The following ACBD5 variants were observed in gnomAD, a reference collection of about 807,000 sequenced individuals.
ACBD5 encodes the protein acyl-CoA-binding domain-containing protein 5.
Under a neutral mutation model 71.8 loss-of-function variants are expected in ACBD5, and 40 were observed. That is an observed-to-expected ratio of 0.56 (90% CI 0.43 to 0.72). The LOEUF (loss-of-function observed/expected upper bound fraction) is 0.72. Among genes scored for constraint, ACBD5 ranks in the 30% least tolerant of loss-of-function variants. The pLI is 0.00. For missense variants in ACBD5, 559 were observed against 644.5 expected (o/e 0.87, Z 1.44); for synonymous variants, 229 against 218.6 (o/e 1.05, Z -0.42).
At chr10:27,237,321 T>C (rs532859475) in intron 2 of ACBD5, among the ~76,000 whole-genome samples, 4 of 152,314 alleles carry the variant, frequency 2.6e-5, no homozygotes, top group South Asian at 2.1e-4. Context: ...ACTTCATATG[T>C]ATTTGAAATA....
intron 12 of ACBD5, among the ~76,000 whole-genome samples, chr10:27,201,231 G>A (rs1219550401): frequency 2.0e-5 from 3 of 152,094 alleles, no homozygotes; most frequent in Admixed American, 6.6e-5. Context: ...GTCTGCTTTC[G>A]GTATTTTAAC....
intron 4 of ACBD5, among the ~76,000 whole-genome samples, chr10:27,229,186 GAA>G (rs1221285467): frequency 6.6e-6 from 1 of 151,858 alleles, no homozygotes; most frequent in Non-Finnish European, 1.5e-5. Flanking sequence ...TATAAATTAT[GAA>G]AAGTCACTTT....
At chr10:27,192,157 C>T (rs1398208746), downstream of ACBD5, among the ~76,000 whole-genome samples, 1 of 151,552 alleles carries the variant, frequency 6.6e-6, no homozygotes, top group African/African-American at 2.4e-5. Flanking sequence ...ACTGATACCG[C>T]AGAAATATGA....
In ACBD5 at chr10:27,204,500, G is replaced by A; in HGVS notation, c.1505C>T (p.Ala502Val). 1 of 1,613,958 alleles carries A rather than the reference G, an allele frequency of 6.2e-7. No homozygotes were observed. The highest frequency in any genetic ancestry group is 8.5e-7 in the Non-Finnish European group (1 of 1,179,950). The change falls in exon 12 of 13, where the codon GCC becomes GTC. Residue 502 changes from alanine to valine, a missense_variant. Transcript: ENST00000396271. ...CTGTGCAATAAAAGGCCATATGATG[G>A]CAAACGTTAGCACACCAGGAGACAT... ...FEMSPGVLTFAIIWPFIAQWL... is the reference protein window; with the variant it reads ...FEMSPGVLTFVIIWPFIAQWL...
intron 12 of ACBD5, among the ~76,000 whole-genome samples, chr10:27,203,017 G>A (rs556654272): frequency 3.6e-5 from 4 of 110,676 alleles, no homozygotes; most frequent in South Asian, 3.1e-4. Flanking sequence ...TCTGTCACCC[G>A]GGCTGGAGTG....
intron 5 of ACBD5, 136 bp downstream of exon 5, chr10:27,223,202 C>T (rs1354736988): frequency 1.3e-6 from 1 of 745,220 alleles, no homozygotes; most frequent in Non-Finnish European, 2.4e-6. Flanking sequence ...TTTCATGATT[C>T]CTACCTTCTA....
At chr10:27,234,296 T>C (rs1471012969) in intron 3 of ACBD5, among the ~76,000 whole-genome samples, 2 of 152,148 alleles carry the variant, frequency 1.3e-5, no homozygotes, top group East Asian at 3.8e-4. Flanking sequence ...AAAGATCAAA[T>C]TTCTATTCAA....
intron 4 of ACBD5, among the ~76,000 whole-genome samples, chr10:27,228,791 TTATATATATATATA>T (rs1169917244): frequency 4.5e-5 from 1 of 22,120 alleles, no homozygotes; most frequent in African/African-American, 8.0e-5. Flanking sequence ...CCTATTATGT[TTATATATATATATA>T]TATATATATA....
chr10:27,208,862 C>T (rs1236203515), intron 9 of ACBD5, among the ~76,000 whole-genome samples: 2 of 151,900 alleles, frequency 1.3e-5, no homozygotes, highest in East Asian at 1.9e-4. Flanking sequence ...AAACTTCCAA[C>T]GTGGAGTAGA....
intron 13 of ACBD5, among the ~76,000 whole-genome samples, chr10:27,183,835 C>T (rs985360971): frequency 1.3e-5 from 2 of 152,048 alleles, no homozygotes; most frequent in Admixed American, 6.6e-5. Context: ...CCTCAGCCTC[C>T]CAAGTAGCTG....
In ACBD5 at chr10:27,219,777, A is replaced by C. The variant is rs761358354; in HGVS notation, c.571T>G (p.Ser191Ala). 4 of 1,613,970 alleles carry C rather than the reference A, an allele frequency of 2.5e-6. No homozygotes were observed. Among genetic ancestry groups the C allele is most frequent in the Non-Finnish European group, 3.4e-6 (4 of 1,179,984 alleles). The change falls in exon 6 of 13, where the codon TCT becomes GCT. Residue 191 changes from serine to alanine, a missense_variant. Ser to Ala is a moderately conservative substitution (Grantham distance 99). Transcript: ENST00000396271. ...TCTTCTTGGGCCTCTTCTTCCTCAG[A>C]CTCGGCTCCACTGTCACTGCTTTCA... ...KAESSDSGAE[S>A]EEEEAQEEVK...
downstream of ACBD5, among the ~76,000 whole-genome samples, chr10:27,194,612 A>AAATAATAAT (rs60916474): frequency 0.24 from 32,066 of 135,142 alleles, 3,917 homozygotes; most frequent in South Asian, 0.31. Context: ...ACTCCATCTC[A>AAATAATAAT]AATAATAATA....
At chr10:27,232,968 G>A (rs2064096514) in intron 3 of ACBD5, among the ~76,000 whole-genome samples, 1 of 152,072 alleles carries the variant, frequency 6.6e-6, no homozygotes, top group South Asian at 2.1e-4. Flanking sequence ...TAAGTTATAT[G>A]AAATAATAAC....
intron 2 of ACBD5, among the ~76,000 whole-genome samples, chr10:27,237,952 A>T (rs2368219): frequency 0.35 from 50,173 of 144,770 alleles, 9,327 homozygotes; most frequent in African/African-American, 0.51. Context: ...AATTTAATTT[A>T]ATTTTATTTT....
At chr10:27,217,068 A>AAC (rs2061716095) in intron 7 of ACBD5, among the ~76,000 whole-genome samples, 3 of 136,320 alleles carry the variant, frequency 2.2e-5, no homozygotes, top group African/African-American at 8.2e-5. Flanking sequence ...ATGGCGTGAA[A>AAC]CCAGGAGGCG....
chr10:27,218,034 G>A lies in ACBD5; in HGVS notation c.775C>T (p.Pro259Ser). 6.2e-7 allele frequency: 1 copy of A among 1,614,078 alleles called. No individual in the cohort carries two copies. The highest frequency in any genetic ancestry group is 8.5e-7 in the Non-Finnish European group (1 of 1,180,014). The change falls in exon 7 of 13, where the codon CCC becomes TCC. Residue 259 changes from proline (P) to serine (S), a missense_variant. By Grantham distance (74) the Pro-to-Ser change is moderately conservative (BLOSUM62 -1). Transcript: ENST00000396271. Reference protein sequence around the residue: ...LNGRSTEEVKPIDENLGQTGK... With the variant: ...LNGRSTEEVKSIDENLGQTGK... The stretch of plus-strand genomic sequence containing the variant: ...GTTTGCCCCAAGTTTTCATCAATGG[G>A]CTTTACTTCTTCAGTGCTTCTGCCA...
At chr10:27,216,974 G>A (rs1477536681) in intron 7 of ACBD5, among the ~76,000 whole-genome samples, 11 of 151,666 alleles carry the variant, frequency 7.3e-5, no homozygotes, top group African/African-American at 2.4e-4. Context: ...GTGAAACCCC[G>A]TCTCACTAAA....
At chr10:27,204,176 G>T (rs1292498563) in intron 12 of ACBD5, among the ~76,000 whole-genome samples, 1 of 142,280 alleles carries the variant, frequency 7.0e-6, no homozygotes, top group Non-Finnish European at 1.5e-5. Context: ...GATGCATGTA[G>T]TCATTTTTGT....
intron 7 of ACBD5, among the ~76,000 whole-genome samples, chr10:27,217,403 C>A (rs186785908): frequency 2.4e-4 from 36 of 150,870 alleles, no homozygotes; most frequent in Admixed American, 5.9e-4. Flanking sequence ...TTGCAGTGAG[C>A]CGAGATTGCG....
Sources: allele counts gnomAD v4.1 joint callset (sites outside exome capture counted in the v4.1 genomes callset), GRCh38; gene constraint gnomAD v4.1.1; transcripts MANE v1.5; gene names NCBI Gene and HGNC (gene_info 2026-07-23, HGNC 2026-07-21).